The following KCNQ5 variants were observed in gnomAD, a reference collection of about 807,000 sequenced individuals.
KCNQ5 encodes potassium voltage-gated channel subfamily Q member 5.
KCNQ5 carries 30 observed loss-of-function variants against 98.2 expected under a neutral mutation model. The ratio of observed to expected loss-of-function variants is 0.31; its 90% confidence interval spans 0.23 to 0.41. The LOEUF (loss-of-function observed/expected upper bound fraction) is 0.41, where lower values mean the gene tolerates loss of function less well. KCNQ5 is among the 10% of genes least tolerant of loss of function. The pLI, the probability that KCNQ5 is intolerant of heterozygous loss-of-function variation, is 1.00. For synonymous variants in KCNQ5, 458 were observed against 449.4 expected (o/e 1.02, Z -0.24); for missense variants, 835 against 1,182.5 (o/e 0.71, Z 4.31).
intron 1 of KCNQ5, among the ~76,000 whole-genome samples, chr6:72,967,918 CTT>C (rs1374306942): frequency 1.3e-5 from 2 of 152,134 alleles, no homozygotes; most frequent in Non-Finnish European, 2.9e-5. Flanking sequence ...TCTGAAAACT[CTT>C]TTGGATTTTA....
chr6:72,858,423 A>G (rs934254575), intron 1 of KCNQ5, among the ~76,000 whole-genome samples: 1 of 151,926 alleles, frequency 6.6e-6, no homozygotes. Flanking sequence ...GCTGACACAT[A>G]TAAATTTTTG....
chr6:73,090,529 T>G (rs182859080), intron 5 of KCNQ5, among the ~76,000 whole-genome samples: 1 of 152,288 alleles, frequency 6.6e-6, no homozygotes, highest in East Asian at 1.9e-4. Context: ...TCTTCTAGAG[T>G]GTTTATAGTT....
rs549614281 is a variant in KCNQ5, at chr6:72,932,562, A to T, written c.399-71346A>T. ...TAGATGCTTACATAGTTTTCATTTT[A>T]AAAACAAACTTTAAAGAGAGTAAGA... On this transcript the variant is annotated intron_variant, in intron 1 of 13. Transcript: ENST00000370398. Among the ~76,000 whole-genome samples the T allele has an allele frequency of 9.2e-5, 14 of 152,320 alleles. No individual in the cohort carries two copies. In the South Asian group the frequency reaches 2.9e-3, roughly 32 times the overall value.
chr6:73,133,618 C>T lies in KCNQ5; in HGVS notation c.1445C>T (p.Ser482Phe). The T allele has an allele frequency of 6.2e-7, 1 of 1,614,198 alleles. No individual in the cohort carries two copies. Among genetic ancestry groups the T allele is most frequent in the Non-Finnish European group, 8.5e-7 (1 of 1,180,036 alleles). ...CGGCCCTCGCTGCGCCTCAAAAGTT[C>T]TCAGCCAAAACCAGTGATAGATGGT... ...RFRPSLRLKS[S>F]QPKPVIDADT... The change falls in exon 10 of 14, where the codon TCT (serine) becomes TTT (phenylalanine). Residue 482 changes from serine (S) to phenylalanine (F), a missense_variant. Ser to Phe is a radical substitution (Grantham distance 155). Around this residue, in one of 10 missense-constraint regions of KCNQ5, gnomAD observed 146 missense variants for 256.7 expected, o/e 0.57. Coordinates refer to ENST00000370398, the MANE Select transcript of KCNQ5 (RefSeq NM_019842.4).
chr6:72,844,073 T>G (rs1467050738), intron 1 of KCNQ5, among the ~76,000 whole-genome samples: 1 of 152,114 alleles, frequency 6.6e-6, no homozygotes, highest in East Asian at 1.9e-4. Flanking sequence ...GTTTGATGGG[T>G]GCAGGAAACC....
At chr6:73,019,206 A>G (rs1321627738) in intron 2 of KCNQ5, among the ~76,000 whole-genome samples, 1 of 152,118 alleles carries the variant, frequency 6.6e-6, no homozygotes, top group Non-Finnish European at 1.5e-5. Context: ...TTAGAATTTG[A>G]CATGCCTTTT....
chr6:72,953,246 G>T (rs1464292332), intron 1 of KCNQ5, among the ~76,000 whole-genome samples: 1 of 152,168 alleles, frequency 6.6e-6, no homozygotes, highest in Non-Finnish European at 1.5e-5. Context: ...TTTAAAATGT[G>T]ATTAATTAAC....
intron 1 of KCNQ5, among the ~76,000 whole-genome samples, chr6:72,783,230 G>A (rs1773576317): frequency 6.6e-6 from 1 of 152,114 alleles, no homozygotes; most frequent in South Asian, 2.1e-4. Flanking sequence ...CACTCTCAAA[G>A]CTGACCTATA....
intron 10 of KCNQ5, among the ~76,000 whole-genome samples, chr6:73,165,528 G>A (rs1219542004): frequency 5.9e-5 from 9 of 152,162 alleles, no homozygotes. Context: ...TGGCCATGGT[G>A]ACCACATTGC....
chr6:72,762,883 T>C (rs973602623), intron 1 of KCNQ5, among the ~76,000 whole-genome samples: 9 of 152,076 alleles, frequency 5.9e-5, no homozygotes, highest in Admixed American at 4.6e-4. Context: ...TTATATCTTA[T>C]TTAAATATTT....
intron 1 of KCNQ5, among the ~76,000 whole-genome samples, chr6:72,634,283 T>A (rs1032052550): frequency 6.6e-6 from 1 of 152,242 alleles, no homozygotes; most frequent in Admixed American, 6.5e-5. Flanking sequence ...TTTGTTTCTC[T>A]GCCTTCACAT....
Position 73,090,228 on chromosome 6 carries a change from A to C in KCNQ5, c.918+12341A>C, listed in dbSNP as rs891716276. On this transcript the variant is annotated intron_variant, in intron 5 of 13. Transcript: ENST00000370398. ...ATCATCTTTTGAGAATTGTCTATTCATGTCCTTAGCCCACTTTTTGATGGG... is the reference window on the plus strand; with the variant it reads ...ATCATCTTTTGAGAATTGTCTATTCCTGTCCTTAGCCCACTTTTTGATGGG... Among the ~76,000 whole-genome samples, 8 of 152,006 alleles carry C rather than the reference A, an allele frequency of 5.3e-5. No individual in the cohort carries two copies. The East Asian group carries it at 9.7e-4, about 18-fold the overall frequency.
intron 1 of KCNQ5, among the ~76,000 whole-genome samples, chr6:72,669,020 C>T (rs1207284159): frequency 2.0e-5 from 3 of 152,106 alleles, no homozygotes; most frequent in South Asian, 2.1e-4. Context: ...TGACATTCCA[C>T]CCCTGGCCCC....
At chr6:73,175,799 G>A (rs1778190394) in intron 11 of KCNQ5, among the ~76,000 whole-genome samples, 2 of 152,238 alleles carry the variant, frequency 1.3e-5, no homozygotes. Flanking sequence ...TTACAATGCA[G>A]AGCAGCATAT....
intron 1 of KCNQ5, among the ~76,000 whole-genome samples, chr6:72,702,099 A>G (rs1004760404): frequency 2.0e-5 from 3 of 152,234 alleles, no homozygotes; most frequent in Non-Finnish European, 4.4e-5. Context: ...AAATTGTTAC[A>G]TTCTTTCCAC....
chr6:72,942,173 T>C (rs1766343726), intron 1 of KCNQ5, among the ~76,000 whole-genome samples: 1 of 152,210 alleles, frequency 6.6e-6, no homozygotes, highest in Admixed American at 6.5e-5. Context: ...GAACAATATC[T>C]AGCAAAAAGT....
At chr6:72,746,922 A>G (rs986181031) in intron 1 of KCNQ5, among the ~76,000 whole-genome samples, 1 of 152,172 alleles carries the variant, frequency 6.6e-6, no homozygotes, top group Non-Finnish European at 1.5e-5. Context: ...ATCTAGCAGA[A>G]CTGCAAACTC....
intron 2 of KCNQ5, among the ~76,000 whole-genome samples, chr6:73,009,647 GA>G (rs1769975004): frequency 6.6e-6 from 1 of 151,970 alleles, no homozygotes; most frequent in South Asian, 2.1e-4. Flanking sequence ...GATGAACTAA[GA>G]AAAAAGAATA....
intron 1 of KCNQ5, among the ~76,000 whole-genome samples, chr6:72,843,580 G>T (rs79311091): frequency 0.15 from 23,462 of 152,078 alleles, 2,434 homozygotes; most frequent in African/African-American, 0.29. Flanking sequence ...GGGCAGTATG[G>T]CCATTTTCAC....
Sources: allele counts gnomAD v4.1 joint callset (sites outside exome capture counted in the v4.1 genomes callset), GRCh38; gene constraint gnomAD v4.1.1; regional missense constraint gnomAD v4.1.1; transcripts MANE v1.5; gene names NCBI Gene and HGNC (gene_info 2026-07-23, HGNC 2026-07-21).